TECTA: variants seen among roughly 807,000 people sequenced by gnomAD.
TECTA encodes alpha-tectorin.
Under a neutral mutation model 216.8 loss-of-function variants are expected in TECTA, and 128 were observed. The observed-to-expected ratio is 0.59, with a 90% CI of 0.51 to 0.68. TECTA has a LOEUF of 0.68. TECTA is among the 30% of genes least tolerant of loss of function. The pLI is 0.00. For synonymous variants in TECTA, 1,089 were observed against 1,117.1 expected (o/e 0.97, Z 0.50); for missense variants, 2,551 against 2,786.2 (o/e 0.92, Z 1.90).
In TECTA at chr11:121,113,421, T is replaced by C; in HGVS notation, c.625-132T>C. ...GGCAGTCCTTTCTCACCTAGAATGC[T>C]GGCCCCAGTGACTCCAGGAAAAGAC... is the stretch of plus-strand genomic sequence containing the variant. On this transcript the variant is annotated intron_variant, in intron 5 of 23. Coordinates refer to ENST00000392793, the MANE Select transcript of TECTA (RefSeq NM_005422.4). The surrounding 1 kb of genome is among the most constrained non-coding windows in gnomAD (Gnocchi z 4.2). The C allele has an allele frequency of 1.4e-6, 2 of 1,447,964 alleles. No homozygotes were observed. The highest frequency in any genetic ancestry group is 2.3e-5 in the South Asian group (2 of 86,428). The allele number at this position is 1,447,964 out of a possible 1,614,324, so 89.7% of individuals were successfully genotyped here.
chr11:121,133,152 A>G (rs1281334621), intron 10 of TECTA, among the ~76,000 whole-genome samples: 1 of 152,196 alleles, frequency 6.6e-6, no homozygotes, highest in African/African-American at 2.4e-5. Context: ...ACATAAGAGA[A>G]CACCTGTAAA....
intron 7 of TECTA, among the ~76,000 whole-genome samples, chr11:121,123,373 T>C (rs1019476247): frequency 6.6e-6 from 1 of 152,186 alleles, no homozygotes; most frequent in Non-Finnish European, 1.5e-5. Context: ...TCATGCCCCA[T>C]TGCAAAACCA....
chr11:121,157,872 C>G lies in TECTA; in HGVS notation c.4337C>G (p.Thr1446Arg), dbSNP rs72998913. The stretch of plus-strand genomic sequence containing the variant: ...CAGCTATTTTGGAACAGCGACTGCA[C>G]GCGGCGCTGCCGCTGTTTCCGTCGC... ...PKQLFWNSDC[T>R]RRCRCFRRNV... The change falls in exon 14 of 24, where the codon ACG becomes AGG. Residue 1446 changes from threonine to arginine, a missense_variant. By Grantham distance (71) the Thr-to-Arg change is moderately conservative (BLOSUM62 -1). Coordinates refer to ENST00000392793, the MANE Select transcript of TECTA (RefSeq NM_005422.4). 37 of 1,614,220 alleles carry G rather than the reference C, an allele frequency of 2.3e-5. No individual in the cohort carries two copies. Among genetic ancestry groups the G allele is most frequent in the Middle Eastern group, 1.7e-4 (1 of 6,036 alleles).
rs1274587965 is a variant in TECTA at position 121,150,866 on chromosome 11, G to A, written c.4106-2015G>A. 4.0e-5 allele frequency among the ~76,000 whole-genome samples: 6 copies of A among 151,888 alleles called. 1 individual carries two copies. The highest frequency in any genetic ancestry group is 7.2e-5 in the African/African-American group (3 of 41,386). ...TCACCATGTTGGCCAGGATGGTCTC[G>A]ATCTCTTGACCTCATGATCCACCTG... On this transcript the variant is annotated intron_variant, in intron 12 of 23. Transcript: ENST00000392793.
intron 16 of TECTA, among the ~76,000 whole-genome samples, chr11:121,165,036 A>G (rs952261538): frequency 2.0e-5 from 3 of 152,298 alleles, no homozygotes; most frequent in East Asian, 1.9e-4. Context: ...AGAGCTTATA[A>G]TACTTAGCTT....
chr11:121,103,771 G>T (rs1351614754), intron 2 of TECTA, among the ~76,000 whole-genome samples: 1 of 151,850 alleles, frequency 6.6e-6, no homozygotes, highest in Non-Finnish European at 1.5e-5. Context: ...TTAAACCTAC[G>T]CCCTTGTGTT....
Position 121,162,304 on chromosome 11 carries a change from G to A in TECTA, c.5206G>A (p.Ala1736Thr), listed in dbSNP as rs144946579. ...KKFQLCGSLA[A>T]YGEACRSFGI... Reference sequence around the variant, plus strand: ...GTTCCAGCTGTGCGGCTCCCTGGCCGCCTACGGGGAGGCCTGCCGCTCCTT... The same window carrying A: ...GTTCCAGCTGTGCGGCTCCCTGGCCACCTACGGGGAGGCCTGCCGCTCCTT... Residue 1736 changes from alanine to threonine, a missense_variant, in exon 16 of 24, where the codon GCC becomes ACC. By Grantham distance (58) the Ala-to-Thr change is moderately conservative. Transcript: ENST00000392793. 1.2e-4 allele frequency: 189 copies of A among 1,613,302 alleles called. No individual in the cohort carries two copies. The East Asian group carries it at 3.7e-3, about 31-fold the overall frequency.
Position 121,118,652 on chromosome 11 carries a change from G to A in TECTA, c.1137G>A (p.Lys379=). Residue 379 remains lysine (K), a synonymous_variant, in exon 7 of 24, where the codon AAG becomes AAA. Coordinates refer to ENST00000392793, the MANE Select transcript of TECTA (RefSeq NM_005422.4). ...GAGGTTCAGCCGTCTCCTGGGTGAA[G>A]GAGCTCTCAGTGGAGGTGAATGGCT... The part of the protein sequence containing the change: ...HRRGSAVSWV[K]ELSVEVNGYK... The A allele has an allele frequency of 6.2e-7, 1 of 1,614,142 alleles. No individual in the cohort carries two copies. The highest frequency in any genetic ancestry group is 8.5e-7 in the Non-Finnish European group (1 of 1,180,050).
Position 121,146,025 on chromosome 11 carries a change from G to A in TECTA, c.4014G>A (p.Val1338=), listed in dbSNP as rs755620829. 5 of 1,613,860 alleles carry A rather than the reference G, an allele frequency of 3.1e-6. No homozygotes were observed. The highest frequency in any genetic ancestry group is 2.7e-5 in the African/African-American group (2 of 74,948). The change falls in exon 12 of 24, where the codon GTG becomes GTA. Residue 1338 remains valine, a synonymous_variant. Coordinates refer to ENST00000392793, the MANE Select transcript of TECTA (RefSeq NM_005422.4). ...ACTCTTGCATCGATGGGGGCGCGGTGCAGACCGCCTGCAGCTGGCTGCAGA... is the reference window on the plus strand; with the variant it reads ...ACTCTTGCATCGATGGGGGCGCGGTACAGACCGCCTGCAGCTGGCTGCAGA... ...LFDSCIDGGA[V]QTACSWLQNY...
At chr11:121,112,555 A>C (rs638903) in intron 4 of TECTA, among the ~76,000 whole-genome samples, 66,993 of 152,026 alleles carry the variant, frequency 0.44, 15,232 homozygotes, top group Non-Finnish European at 0.51. Context: ...TCCCACTTCC[A>C]TTTTTAAAAG....
intron 15 of TECTA, among the ~76,000 whole-genome samples, chr11:121,160,989 G>T (rs992904697): frequency 6.6e-6 from 1 of 152,202 alleles, no homozygotes; most frequent in South Asian, 2.1e-4. Context: ...TAAATTTAGG[G>T]CCCCTCAGGG....
chr11:121,166,690 C>G lies in TECTA; in HGVS notation c.5496C>G (p.Ile1832Met), dbSNP rs544020042. The change falls in exon 18 of 24, where the codon ATC becomes ATG. Residue 1832 changes from isoleucine (I) to methionine (M), a missense_variant. Ile to Met is a conservative substitution (Grantham distance 10). Transcript: ENST00000392793. Reference sequence around the variant, plus strand: ...GTTTTGAGAGGGAGGGCGTGAGGATCAATGACAGACAGTGCACCGGCATCG... The same window carrying G: ...GTTTTGAGAGGGAGGGCGTGAGGATGAATGACAGACAGTGCACCGGCATCG... ...QLGFEREGVRINDRQCTGIEG... is the reference protein window; with the variant it reads ...QLGFEREGVRMNDRQCTGIEG... 1.9e-6 allele frequency: 3 copies of G among 1,614,182 alleles called. No homozygotes were observed. In the South Asian group the frequency reaches 3.3e-5, roughly 18 times the overall value.
intron 8 of TECTA, among the ~76,000 whole-genome samples, chr11:121,126,812 C>A (rs1199253144): frequency 6.6e-6 from 1 of 152,196 alleles, no homozygotes; most frequent in Non-Finnish European, 1.5e-5. Flanking sequence ...GACTGACCAG[C>A]CTCTCTTATG....
At chr11:121,166,401 C>G (rs1198712855) in intron 17 of TECTA, among the ~76,000 whole-genome samples, 177 bp from the exon 18 acceptor site, 1 of 152,198 alleles carries the variant, frequency 6.6e-6, no homozygotes, top group Non-Finnish European at 1.5e-5. Context: ...CAGGTTACTG[C>G]TTTGAATGAA....
At position 121,189,834 on chromosome 11, in the gene TECTA, C is replaced by T; in HGVS notation, c.6321C>T (p.Cys2107=). Residue 2107 remains cysteine, a synonymous_variant, in exon 23 of 24, where the codon TGC becomes TGT. Coordinates refer to ENST00000392793, the MANE Select transcript of TECTA (RefSeq NM_005422.4). ...CGAGCCGGGTGGATGGGCCTCTCTG[C>T]AGCTGTGTAACAGGAACCCTGCAGG... ...ICTSRVDGPL[C]SCVTGTLQED... 1 of 1,613,828 alleles carries T rather than the reference C, an allele frequency of 6.2e-7. No homozygotes were observed.
In TECTA at chr11:121,130,580, T is replaced by C. The variant is rs1946664448; in HGVS notation, c.2941+369T>C. The stretch of plus-strand genomic sequence containing the variant: ...GAGCCCCATTGATTTTGATAGGAAG[T>C]GATCGGCCAGGGCACCTTTGGGGCA... On this transcript the variant is annotated intron_variant, in intron 10 of 23. Transcript: ENST00000392793. 2.0e-5 allele frequency among the ~76,000 whole-genome samples: 3 copies of C among 152,138 alleles called. No individual in the cohort carries two copies. The South Asian group carries it at 6.2e-4, about 31-fold the overall frequency.
chr11:121,191,117 T>C lies in TECTA; in HGVS notation c.*311T>C. The C allele has an allele frequency of 3.0e-6, 1 of 335,942 alleles. No homozygotes were observed. Among genetic ancestry groups the C allele is most frequent in the Non-Finnish European group, 5.7e-6 (1 of 174,360 alleles). The allele number at this position is 335,942 out of a possible 1,614,324, so 20.8% of individuals were successfully genotyped here. On this transcript the variant is annotated 3_prime_UTR_variant, in exon 24 of 24. Transcript: ENST00000392793. ...AGGAAAAAAATTCTGGTTAGAGAAA[T>C]CTGACTGGAAATCTGACCAGAGAAA...
Position 121,128,161 on chromosome 11 carries a change from C to T in TECTA, c.2184C>T (p.Ser728=), listed in dbSNP as rs148638616. The T allele has an allele frequency of 8.9e-5, 144 of 1,610,998 alleles. No homozygotes were observed. Among genetic ancestry groups the T allele is most frequent in the Middle Eastern group, 4.9e-4 (3 of 6,082 alleles). The change falls in exon 9 of 24, where the codon TCC becomes TCT. Residue 728 remains serine, a synonymous_variant. Coordinates refer to ENST00000392793, the MANE Select transcript of TECTA (RefSeq NM_005422.4). ...TGCTGCACACCTTTGACGGCGCCTC[C>T]TACGCCTTCCCCTCCGAGTTCTCCT... ...NQVLHTFDGA[S]YAFPSEFSYT...
At chr11:121,119,747 A>G (rs1053537452) in intron 7 of TECTA, among the ~76,000 whole-genome samples, 2 of 152,196 alleles carry the variant, frequency 1.3e-5, no homozygotes, top group African/African-American at 4.8e-5. Context: ...TAGCATGTCC[A>G]ACAAAAGGCA....
Sources: allele counts gnomAD v4.1 joint callset (sites outside exome capture counted in the v4.1 genomes callset), GRCh38; gene constraint gnomAD v4.1.1; non-coding constraint Gnocchi (gnomAD v3.1); transcripts MANE v1.5; gene names NCBI Gene and HGNC (gene_info 2026-07-23, HGNC 2026-07-21).